Variants in CAP2 observed in about 807,000 individuals in gnomAD.
CAP2 encodes adenylyl cyclase-associated protein 2.
A neutral mutation model predicts 57.7 loss-of-function variants in CAP2; 24 were observed. The ratio of observed to expected loss-of-function variants is 0.42; its 90% CI spans 0.30 to 0.58. The LOEUF is 0.58. CAP2 is among the 20% of genes least tolerant of loss of function. The pLI, the probability that CAP2 is intolerant of heterozygous loss-of-function variation, is 0.22. For synonymous variants in CAP2, 194 were observed against 207.2 expected (o/e 0.94, Z 0.55); for missense variants, 501 against 590.3 (o/e 0.85, Z 1.57).
At chr6:17,518,913 C>T (rs190041821) in intron 7 of CAP2, among the ~76,000 whole-genome samples, 1 of 152,282 alleles carries the variant, frequency 6.6e-6, no homozygotes, top group East Asian at 1.9e-4. Context: ...GCTGGGATTA[C>T]AGGCGTGAGC....
intron 4 of CAP2, among the ~76,000 whole-genome samples, chr6:17,478,030 CATT>C (rs1446911967): frequency 1.4e-5 from 2 of 147,692 alleles, no homozygotes; most frequent in South Asian, 2.1e-4. Flanking sequence ...AATTATATAT[CATT>C]AATAATAATT....
intron 11 of CAP2, among the ~76,000 whole-genome samples, chr6:17,547,676 C>T (rs1159909734): frequency 1.3e-5 from 2 of 151,854 alleles, no homozygotes; most frequent in Non-Finnish European, 2.9e-5. Context: ...CCTGTCTCTA[C>T]TAAAAATACA....
intron 3 of CAP2, among the ~76,000 whole-genome samples, chr6:17,458,886 C>CAAAACA (rs1335054925): frequency 9.1e-6 from 1 of 110,294 alleles, no homozygotes; most frequent in African/African-American, 3.0e-5. Flanking sequence ...CACAAAGGAG[C>CAAAACA]AAAAAAAAAA....
intron 4 of CAP2, among the ~76,000 whole-genome samples, chr6:17,495,360 A>C (rs1581568015): frequency 6.6e-6 from 1 of 152,210 alleles, no homozygotes; most frequent in Non-Finnish European, 1.5e-5. Flanking sequence ...CTTTACCGAT[A>C]ATAGTGAGCA....
rs185634271 is a variant in CAP2 at position 17,439,479 on chromosome 6, A to G, written c.222+12789A>G. Among the ~76,000 whole-genome samples the G allele has an allele frequency of 2.6e-5, 4 of 151,628 alleles. No individual in the cohort carries two copies. In the East Asian group the frequency reaches 7.8e-4, roughly 29 times the overall value. On this transcript the variant is annotated intron_variant, in intron 3 of 12. Coordinates refer to ENST00000229922, the MANE Select transcript of CAP2 (RefSeq NM_006366.3). ...AGCAGTAGTCAACCTTTTTGGCACC[A>G]GGGACCGATTTCCTGGAAAACAGTT...
chr6:17,442,611 G>C (rs577516893), intron 3 of CAP2, among the ~76,000 whole-genome samples: 1 of 152,168 alleles, frequency 6.6e-6, no homozygotes, highest in Non-Finnish European at 1.5e-5. Context: ...GAGCTGGCTG[G>C]GTGTGGTGGT....
intron 1 of CAP2, among the ~76,000 whole-genome samples, chr6:17,395,161 C>T (rs1489210650): frequency 1.3e-5 from 2 of 152,120 alleles, no homozygotes; most frequent in African/African-American, 2.4e-5. Context: ...TGTTCCCCAT[C>T]GTTAATGTGA....
At chr6:17,514,002 T>C in intron 7 of CAP2, 48 bp downstream of exon 7, 2 of 1,095,314 alleles carry the variant, frequency 1.8e-6, no homozygotes, top group Non-Finnish European at 1.4e-6. Context: ...GCCATGACTA[T>C]ATATACACCC....
At chr6:17,521,636 C>T (rs566230577) in intron 7 of CAP2, among the ~76,000 whole-genome samples, 2 of 152,192 alleles carry the variant, frequency 1.3e-5, no homozygotes, top group African/African-American at 2.4e-5. Flanking sequence ...TCCACGGAAA[C>T]GCGCATTCTA....
In CAP2 at chr6:17,421,596, C is replaced by T; in HGVS notation, c.41C>T (p.Ala14Val). The T allele has an allele frequency of 3.7e-6, 6 of 1,614,170 alleles. No homozygotes were observed. The highest frequency in any genetic ancestry group is 5.1e-6 in the Non-Finnish European group (6 of 1,179,986). The change falls in exon 2 of 13, where the codon GCT (alanine) becomes GTT (valine). Residue 14 changes from alanine to valine, a missense_variant. Ala to Val is a moderately conservative substitution (Grantham distance 64, BLOSUM62 0). Coordinates refer to ENST00000229922, the MANE Select transcript of CAP2 (RefSeq NM_006366.3). ...MQGLVERLER[A>V]VSRLESLSAE... The stretch of plus-strand genomic sequence containing the variant: ...GGACTGGTGGAAAGACTGGAACGAG[C>T]TGTCAGCCGCCTGGAGTCGCTGTCT...
At position 17,552,623 on chromosome 6, in the gene CAP2, C is replaced by T. The variant is rs1763198390; in HGVS notation, c.1350+1019C>T. On this transcript the variant is annotated intron_variant, in intron 12 of 12. Coordinates refer to ENST00000229922, the MANE Select transcript of CAP2 (RefSeq NM_006366.3). ...TTCCAGCCGGGGCGACAGAGTGAGA[C>T]TCAGTCACAAACAAACAAACAAACA... Among the ~76,000 whole-genome samples, 3 of 152,160 alleles carry T rather than the reference C, an allele frequency of 2.0e-5. No homozygotes were observed. The South Asian group carries it at 6.2e-4, about 32-fold the overall frequency.
intron 1 of CAP2, among the ~76,000 whole-genome samples, chr6:17,416,963 T>C (rs1759293387): frequency 6.6e-6 from 1 of 151,994 alleles, no homozygotes; most frequent in Non-Finnish European, 1.5e-5. Context: ...CCAGATGTAG[T>C]GGCATGCACT....
At chr6:17,472,037 T>C (rs1761033416) in intron 4 of CAP2, among the ~76,000 whole-genome samples, 1 of 151,958 alleles carries the variant, frequency 6.6e-6, no homozygotes, top group South Asian at 2.1e-4. Flanking sequence ...TTCTGCTCTG[T>C]TAATAGTGCT....
intron 12 of CAP2, among the ~76,000 whole-genome samples, chr6:17,553,392 G>C (rs1393070712): frequency 6.6e-6 from 1 of 152,172 alleles, no homozygotes; most frequent in Admixed American, 6.5e-5. Flanking sequence ...CCAGCACTTT[G>C]GGAGGCCGAG....
intron 3 of CAP2, among the ~76,000 whole-genome samples, chr6:17,455,074 A>G (rs1760521683): frequency 1.3e-5 from 2 of 152,152 alleles, no homozygotes; most frequent in South Asian, 4.1e-4. Context: ...GATGGTCCAG[A>G]GGTTGTTAAC....
intron 11 of CAP2, among the ~76,000 whole-genome samples, chr6:17,547,185 C>G (rs897565509): frequency 6.6e-6 from 1 of 152,148 alleles, no homozygotes; most frequent in East Asian, 1.9e-4. Context: ...TTAAAGTGAT[C>G]TATAAATACA....
rs1043705523 is a variant in CAP2 at position 17,539,353 on chromosome 6, C to A, written c.721C>A (p.Pro241Thr). ...TCCACCCCCTCCTCCTCTGCCTCCT[C>A]CAGGGCCACCTCCACTTTTCGAGAA... is the stretch of plus-strand genomic sequence containing the variant. ...LPPPPPPLPP[P>T]GPPPLFENEG... The change falls in exon 8 of 13, where the codon CCA (proline) becomes ACA (threonine). Residue 241 changes from proline (P) to threonine (T), a missense_variant. Transcript: ENST00000229922. The A allele has an allele frequency of 1.2e-6, 2 of 1,614,012 alleles. No homozygotes were observed. The highest frequency in any genetic ancestry group is 1.3e-5 in the African/African-American group (1 of 74,934).
In CAP2 at chr6:17,406,412, T is replaced by TTTTTTTTTTTTTTTTTTTTTC. The variant is rs1197104013; in HGVS notation, c.-2+12667_-2+12668insTTTTTTTTTTTTTTTTTTTCT. 3.7e-4 allele frequency among the ~76,000 whole-genome samples: 50 copies of TTTTTTTTTTTTTTTTTTTTTC among 135,254 alleles called. 6 individuals are homozygous for TTTTTTTTTTTTTTTTTTTTTC. The highest frequency in any genetic ancestry group is 1.7e-3 in the African/African-American group (47 of 27,010). The allele number at this position is 135,254 out of a possible 152,430, so 88.7% of individuals were successfully genotyped here. Reference sequence around the variant, plus strand: ...AGCCCAGATTTCTTTTTTTTTTTTTTTGAGGCAGTCTCACTCTGTCGCCCA... The same window carrying TTTTTTTTTTTTTTTTTTTTTC: ...AGCCCAGATTTCTTTTTTTTTTTTTTTTTTTTTTTTTTTTTTTTTTCTGAGGCAGTCTCACTCTGTCGCCCA... On this transcript the variant is annotated intron_variant, in intron 1 of 12. Coordinates refer to ENST00000229922, the MANE Select transcript of CAP2 (RefSeq NM_006366.3).
At chr6:17,452,543 A>G (rs947636731) in intron 3 of CAP2, among the ~76,000 whole-genome samples, 5 of 152,194 alleles carry the variant, frequency 3.3e-5, no homozygotes, top group African/African-American at 1.2e-4. Context: ...ATGACAGCAC[A>G]AAGGGGGCAG....
Sources: gnomAD v4.1 joint callset for allele counts (sites outside exome capture counted in the v4.1 genomes callset) on GRCh38, gnomAD v4.1.1 for gene constraint, MANE v1.5 for transcripts, NCBI Gene and HGNC (gene_info 2026-07-23, HGNC 2026-07-21) for gene names.